Variants in CACNA2D4 observed in about 807,000 individuals in gnomAD.
CACNA2D4 encodes calcium voltage-gated channel auxiliary subunit alpha2delta 4.
CACNA2D4 carries 157 observed loss-of-function variants against 163.8 expected under a neutral mutation model. That is an observed-to-expected ratio of 0.96 (90% CI 0.84 to 1.09). The LOEUF (loss-of-function observed/expected upper bound fraction) is 1.09. CACNA2D4 is among the 50% of genes least tolerant of loss of function. The probability of loss-of-function intolerance (pLI) is 0.00; values close to 1 mark genes in which losing one functional copy is unlikely to be tolerated. For missense variants in CACNA2D4, 1,410 were observed against 1,479.9 expected (o/e 0.95, Z 0.78); for synonymous variants, 598 against 586.9 (o/e 1.02, Z -0.27).
chr12:1,864,634 C>T (rs754922309), intron 18 of CACNA2D4, among the ~76,000 whole-genome samples: 3 of 152,204 alleles, frequency 2.0e-5, no homozygotes, highest in South Asian at 2.1e-4. Context: ...AGGCCCAGTC[C>T]CACCAGGGCG....
rs73043810 is a variant in CACNA2D4, at chr12:1,802,222, T to C, written c.2722-578A>G. ...GTGTGCCCTGTGGATCGGTCATTTG[T>C]CCCCTCCATGACAATGACCTAACCG... On this transcript the variant is annotated intron_variant, in intron 29 of 37. Transcript: ENST00000382722. This position sits in a 1 kb window ranked among gnomAD's most constrained non-coding sequence, Gnocchi z 4.7. Among the ~76,000 whole-genome samples, 14,309 of 151,952 alleles carry C rather than the reference T, an allele frequency of 0.094. 904 individuals carry two copies. The highest frequency in any genetic ancestry group is 0.15 in the Non-Finnish European group (9,889 of 67,934).
intron 23 of CACNA2D4, 124 bp from the exon 24 acceptor site, chr12:1,846,813 G>T: frequency 1.3e-6 from 1 of 788,792 alleles, no homozygotes; most frequent in East Asian, 2.7e-5. Context: ...GACTTTCCAG[G>T]AAGGCTGGGT....
chr12:1,909,346 T>C (rs988329958), intron 4 of CACNA2D4, among the ~76,000 whole-genome samples: 20 of 152,188 alleles, frequency 1.3e-4, no homozygotes, highest in Non-Finnish European at 2.1e-4. Flanking sequence ...CGCCTGCCAC[T>C]ACGCCCGGCT....
chr12:1,915,353 G>C (rs1441843632), intron 1 of CACNA2D4: 1 of 660,010 alleles, frequency 1.5e-6, no homozygotes, highest in Non-Finnish European at 2.7e-6. Flanking sequence ...GACTGAGCTT[G>C]ACCCCAAGCT....
At chr12:1,847,549 A>T (rs1865175580) in intron 23 of CACNA2D4, among the ~76,000 whole-genome samples, 1 of 152,170 alleles carries the variant, frequency 6.6e-6, no homozygotes, top group African/African-American at 2.4e-5. Context: ...TCCTGTAGCC[A>T]GGGGGCTTGT....
At position 1,917,566 on chromosome 12, in the gene CACNA2D4, T is replaced by C. The variant is rs1013497782; in HGVS notation, c.227+681A>G. Among the ~76,000 whole-genome samples, 3 of 152,158 alleles carry C rather than the reference T, an allele frequency of 2.0e-5. No individual in the cohort carries two copies. Among genetic ancestry groups the C allele is most frequent in the Admixed American group, 2.0e-4 (3 of 15,276 alleles). ...ATTTCCTTCCTAGGACCACCTGAGC[T>C]AGGGCCTAAAACACAGACACCCCAG... On this transcript the variant is annotated intron_variant, in intron 1 of 37. Transcript: ENST00000382722. The surrounding 1 kb of genome is among the most constrained non-coding windows in gnomAD (Gnocchi z 4.3).
chr12:1,846,757 G>A (rs1468803609), intron 23 of CACNA2D4, 68 bp from the exon 24 acceptor site: 1 of 1,270,006 alleles, frequency 7.9e-7, no homozygotes, highest in Non-Finnish European at 1.1e-6. Flanking sequence ...CGACCTGCAG[G>A]GGTTTGGGGG....
At chr12:1,854,121 AG>A in intron 22 of CACNA2D4, 77 bp from the exon 23 acceptor site, 1 of 1,097,974 alleles carries the variant, frequency 9.1e-7, no homozygotes, top group Non-Finnish European at 1.3e-6. Flanking sequence ...TCCTAAGTTC[AG>A]GGAGAAGATG....
intron 16 of CACNA2D4, among the ~76,000 whole-genome samples, chr12:1,876,087 C>T (rs555243251): frequency 6.6e-6 from 1 of 152,348 alleles, no homozygotes; most frequent in Admixed American, 6.5e-5. Flanking sequence ...CAATCGTAAG[C>T]TTGGGCACTG....
Position 1,884,846 on chromosome 12 carries a change from C to T in CACNA2D4, c.1194G>A (p.Gln398=). Residue 398 remains glutamine, a synonymous_variant, in exon 11 of 38, where the codon CAG becomes CAA. Coordinates refer to ENST00000382722, the MANE Select transcript of CACNA2D4 (RefSeq NM_172364.5). Reference sequence around the variant, plus strand: ...CGCCGTCGCTGATGAGCATGATGGCCTGGTTGCAGAGGCTTCCTTGCTTGG... The same window carrying T: ...CGCCGTCGCTGATGAGCATGATGGCTTGGTTGCAGAGGCTTCCTTGCTTGG... The part of the protein sequence containing the change: ...QEAKQGSLCN[Q]AIMLISDGAV... 6.2e-7 allele frequency: 1 copy of T among 1,613,896 alleles called. No homozygotes were observed. Among genetic ancestry groups the T allele is most frequent in the Non-Finnish European group, 8.5e-7 (1 of 1,179,846 alleles).
chr12:1,862,304 G>A (rs962969333), intron 18 of CACNA2D4, among the ~76,000 whole-genome samples: 2 of 152,166 alleles, frequency 1.3e-5, no homozygotes, highest in African/African-American at 2.4e-5. Context: ...TTTCCCAAAG[G>A]TGTTTTGCCA....
At chr12:1,879,544 G>A (rs1322576284) in intron 14 of CACNA2D4, among the ~76,000 whole-genome samples, 1 of 152,144 alleles carries the variant, frequency 6.6e-6, no homozygotes, top group Non-Finnish European at 1.5e-5. Context: ...CCCAAGGCAG[G>A]GGTCCCAACT....
At chr12:1,794,624 C>T (rs1022359998) in intron 37 of CACNA2D4, among the ~76,000 whole-genome samples, 4 of 152,166 alleles carry the variant, frequency 2.6e-5, no homozygotes, top group African/African-American at 9.7e-5. Context: ...AGGTGCTTCC[C>T]TCACCATGAC....
rs895328781 is a variant in CACNA2D4 at position 1,829,420 on chromosome 12, T to C, written c.2551+11319A>G. ...TGAGAGGGTGAGCGGAGACATGAGG[T>C]AACCCAAGATGGCCAGAAAAAGGGT... On this transcript the variant is annotated intron_variant, in intron 26 of 37. Coordinates refer to ENST00000382722, the MANE Select transcript of CACNA2D4 (RefSeq NM_172364.5). The surrounding 1 kb of genome is among the most constrained non-coding windows in gnomAD (Gnocchi z 4.2). 1.3e-5 allele frequency among the ~76,000 whole-genome samples: 2 copies of C among 151,698 alleles called. No homozygotes were observed. The highest frequency in any genetic ancestry group is 4.8e-5 in the African/African-American group (2 of 41,258).
chr12:1,895,592 T>C (rs184534836), intron 6 of CACNA2D4, among the ~76,000 whole-genome samples: 1 of 152,054 alleles, frequency 6.6e-6, no homozygotes, highest in African/African-American at 2.4e-5. Flanking sequence ...AATAAATCCA[T>C]ATATTTAGAG....
intron 26 of CACNA2D4, chr12:1,827,950 A>C: frequency 4.3e-5 from 18 of 414,652 alleles, no homozygotes; most frequent in Admixed American, 8.7e-5. Context: ...CACCCAGGGA[A>C]TCATAACTGA....
intron 26 of CACNA2D4, 42 bp from the exon 27 acceptor site, chr12:1,811,765 G>A (rs376070551): frequency 8.4e-6 from 13 of 1,540,026 alleles, no homozygotes; most frequent in African/African-American, 6.9e-5. Flanking sequence ...GGGAAGAGAC[G>A]GGGAGAGAAA....
At chr12:1,873,324 C>A (rs147887059) in intron 18 of CACNA2D4, among the ~76,000 whole-genome samples, 1 of 152,264 alleles carries the variant, frequency 6.6e-6, no homozygotes, top group East Asian at 1.9e-4. Flanking sequence ...ATATGTAACC[C>A]AGATGGTCTA....
intron 6 of CACNA2D4, among the ~76,000 whole-genome samples, chr12:1,899,483 G>A (rs1443716237): frequency 6.6e-6 from 1 of 152,066 alleles, no homozygotes; most frequent in Non-Finnish European, 1.5e-5. Context: ...ATACAGCAGA[G>A]ATTTAAAAGA....
Sources: allele counts gnomAD v4.1 joint callset (sites outside exome capture counted in the v4.1 genomes callset), GRCh38; gene constraint gnomAD v4.1.1; non-coding constraint Gnocchi (gnomAD v3.1); transcripts MANE v1.5; gene names NCBI Gene and HGNC (gene_info 2026-07-23, HGNC 2026-07-21).